ZNF486: variants seen among roughly 807,000 people sequenced by gnomAD.
The protein encoded by ZNF486 is zinc finger protein 486, also known as KRAB box only protein 2.
Under a neutral mutation model 12.8 loss-of-function variants are expected in ZNF486, and 12 were observed. That is an observed-to-expected ratio of 0.94 (90% CI 0.60 to 1.52). ZNF486 has a LOEUF of 1.52. Ranked by LOEUF, ZNF486 falls within the 40% of genes most tolerant of loss-of-function variation. The probability of loss-of-function intolerance (pLI) is 0.00; values close to 1 mark genes in which losing one functional copy is unlikely to be tolerated. For synonymous variants in ZNF486, 231 were observed against 184.9 expected (o/e 1.25, Z -2.02); for missense variants, 738 against 545.0 (o/e 1.35, Z -3.53).
At position 20,197,607 on chromosome 19, in the gene ZNF486, T is replaced by C. The variant is rs1555718256; in HGVS notation, c.897T>C (p.Cys299=). 6.2e-7 allele frequency: 1 copy of C among 1,613,772 alleles called. No homozygotes were observed. The highest frequency in any genetic ancestry group is 1.1e-5 in the South Asian group (1 of 91,050). Residue 299 remains cysteine (C), a synonymous_variant, in exon 4 of 4, where the codon TGT becomes TGC. Transcript: ENST00000335117. ...AGCAACCCTACAAATGTAAAGAATG[T>C]GACAAAGCTTTTAACCATCCTGCAA... ...TGEQPYKCKE[C]DKAFNHPATL... is the part of the protein sequence containing the mutation.
chr19:20,167,753 A>G (rs936000924), intron 1 of ZNF486, among the ~76,000 whole-genome samples: 5 of 152,030 alleles, frequency 3.3e-5, no homozygotes, highest in African/African-American at 7.2e-5. Flanking sequence ...TTTGTTAAAA[A>G]TTTATGGGGC....
Position 20,185,936 on chromosome 19 carries a change from G to T in ZNF486, c.158-51G>T, listed in dbSNP as rs536459096. On this transcript the variant is annotated intron_variant, in intron 2 of 3. Transcript: ENST00000335117. Reference sequence around the variant, plus strand: ...TTTCTGCTGAGCACATTACTAGCTTGTAATTGAGAAATATAAGCAAGATTA... The same window carrying T: ...TTTCTGCTGAGCACATTACTAGCTTTTAATTGAGAAATATAAGCAAGATTA... The T allele has an allele frequency of 1.6e-5, 19 of 1,209,950 alleles. No individual in the cohort carries two copies. The African/African-American group carries it at 3.0e-4, about 19-fold the overall frequency. 75.0% of individuals were successfully genotyped at this position (1,209,950 alleles called of 1,614,324 possible). A position where few individuals can be genotyped will look rare whatever the true frequency, so the allele number is the denominator to read the frequency against.
At chr19:20,194,888 C>T (rs1238281242) in intron 3 of ZNF486, among the ~76,000 whole-genome samples, 2 of 151,954 alleles carry the variant, frequency 1.3e-5, no homozygotes, top group Non-Finnish European at 2.9e-5. Flanking sequence ...TAAGTTTGTT[C>T]ATTCAGCTTT....
At chr19:20,175,886 C>T (rs1395562121) in intron 1 of ZNF486, among the ~76,000 whole-genome samples, 2 of 152,156 alleles carry the variant, frequency 1.3e-5, no homozygotes, top group Non-Finnish European at 2.9e-5. Flanking sequence ...CAGAGGGGCT[C>T]CTCACTTCCC....
chr19:20,187,810 T>C (rs1218005081), intron 3 of ZNF486, among the ~76,000 whole-genome samples: 1 of 151,996 alleles, frequency 6.6e-6, no homozygotes, highest in African/African-American at 2.4e-5. Context: ...GCCTTCAAGT[T>C]TTTATAAACT....
intron 3 of ZNF486, among the ~76,000 whole-genome samples, chr19:20,194,091 TAG>T (rs1478758407): frequency 2.7e-5 from 4 of 150,480 alleles, no homozygotes; most frequent in East Asian, 3.9e-4. Context: ...CTTTTAAATT[TAG>T]AGAGTATTAA....
chr19:20,172,991 T>C (rs1003337385), intron 1 of ZNF486, among the ~76,000 whole-genome samples: 4 of 152,176 alleles, frequency 2.6e-5, no homozygotes, highest in African/African-American at 9.7e-5. Context: ...GCAAAGTTTG[T>C]AAATATTTTT....
intron 2 of ZNF486, among the ~76,000 whole-genome samples, chr19:20,184,934 A>C (rs1042108853): frequency 1.3e-5 from 2 of 152,098 alleles, no homozygotes; most frequent in Non-Finnish European, 2.9e-5. Flanking sequence ...CAACATGGAG[A>C]AACCCCGCCT....
chr19:20,197,288 A>G lies in ZNF486; in HGVS notation c.578A>G (p.Gln193Arg), dbSNP rs2089968527. Residue 193 changes from glutamine to arginine, a missense_variant, in exon 4 of 4, where the codon CAG (glutamine) becomes CGG (arginine). Coordinates refer to ENST00000335117, the MANE Select transcript of ZNF486 (RefSeq NM_052852.4). The stretch of plus-strand genomic sequence containing the variant: ...ATAGAAGGTGACAAAGCTTTTAACC[A>G]GTCCTCAACCCATACTACACATAAA... The part of the protein sequence containing the change: ...KYIEGDKAFN[Q>R]SSTHTTHKKI... 2 of 1,609,830 alleles carry G rather than the reference A, an allele frequency of 1.2e-6. No homozygotes were observed. Among genetic ancestry groups the G allele is most frequent in the Non-Finnish European group, 1.7e-6 (2 of 1,178,824 alleles).
chr19:20,169,822 T>C (rs2089627102), intron 1 of ZNF486, among the ~76,000 whole-genome samples: 1 of 151,284 alleles, frequency 6.6e-6, no homozygotes, highest in South Asian at 2.1e-4. Flanking sequence ...AGTCAGATTT[T>C]AGCTCAGAGA....
intron 1 of ZNF486, among the ~76,000 whole-genome samples, chr19:20,169,691 C>T (rs1363574746): frequency 6.6e-6 from 1 of 151,312 alleles, no homozygotes; most frequent in Non-Finnish European, 1.5e-5. Flanking sequence ...GAGAAAGTAC[C>T]AACTAATTAT....
rs1177369847 is a variant in ZNF486 at position 20,198,516 on chromosome 19, T to G, written c.*414T>G. 1 of 182,610 alleles carries G rather than the reference T, an allele frequency of 5.5e-6. No individual in the cohort carries two copies. The highest frequency in any genetic ancestry group is 2.4e-5 in the African/African-American group (1 of 41,798). The allele number at this position is 182,610 out of a possible 1,614,324, so 11.3% of individuals were successfully genotyped here. On this transcript the variant is annotated 3_prime_UTR_variant, in exon 4 of 4. Coordinates refer to ENST00000335117, the MANE Select transcript of ZNF486 (RefSeq NM_052852.4). ...CTGTAACAAGTTCTCAATTCTTTTA[T>G]TTTTATTTGTTTATTTATTTTTTGA...
In ZNF486 at chr19:20,197,503, C is replaced by A. The variant is rs782450212; in HGVS notation, c.793C>A (p.Pro265Thr). 6.2e-7 allele frequency: 1 copy of A among 1,609,404 alleles called. No individual in the cohort carries two copies. The highest frequency in any genetic ancestry group is 8.5e-7 in the Non-Finnish European group (1 of 1,177,404). Residue 265 changes from proline (P) to threonine (T), a missense_variant, in exon 4 of 4, where the codon CCC (proline) becomes ACC (threonine). By Grantham distance (38) the Pro-to-Thr change is conservative (BLOSUM62 -1). Transcript: ENST00000335117. ...TAAGAAAATTCATAGTGGAGAGAAA[C>A]CCTACATTTGTGAAGAATGTGGCAA... ...THKKIHSGEK[P>T]YICEECGKAF...
At chr19:20,186,818 C>A (rs2089852982) in intron 3 of ZNF486, among the ~76,000 whole-genome samples, 1 of 121,456 alleles carries the variant, frequency 8.2e-6, no homozygotes, top group South Asian at 2.7e-4. Flanking sequence ...GAGTCTTGCT[C>A]TGTTGCCCAG....
rs2089800452 is a variant in ZNF486 at position 20,182,770 on chromosome 19, T to A, written c.31-1586T>A. On this transcript the variant is annotated intron_variant, in intron 1 of 3. Coordinates refer to ENST00000335117, the MANE Select transcript of ZNF486 (RefSeq NM_052852.4). Reference sequence around the variant, plus strand: ...AGGACAGAAATAGGTGGGCTTTTTCTGTCATTTTGCCAGTTGATGTCATGC... The same window carrying A: ...AGGACAGAAATAGGTGGGCTTTTTCAGTCATTTTGCCAGTTGATGTCATGC... 2.6e-5 allele frequency among the ~76,000 whole-genome samples: 4 copies of A among 152,178 alleles called. No homozygotes were observed. In the South Asian group the frequency reaches 8.3e-4, roughly 32 times the overall value.
intron 1 of ZNF486, among the ~76,000 whole-genome samples, chr19:20,183,114 C>T (rs957108682): frequency 7.2e-5 from 11 of 152,174 alleles, no homozygotes; most frequent in African/African-American, 2.7e-4. Flanking sequence ...AGAGCTTTCT[C>T]TGCATTCTCT....
Position 20,197,322 on chromosome 19 carries a change from T to A in ZNF486, c.612T>A (p.Asp204Glu). 6.2e-7 allele frequency: 1 copy of A among 1,612,940 alleles called. No individual in the cohort carries two copies. Among genetic ancestry groups the A allele is most frequent in the Non-Finnish European group, 8.5e-7 (1 of 1,179,548 alleles). The stretch of plus-strand genomic sequence containing the variant: ...CCCATACTACACATAAAAAAATTGA[T>A]ACTGGAGAGAAACCATACAAATGTG... The part of the protein sequence containing the change: ...SSTHTTHKKI[D>E]TGEKPYKCEE... Residue 204 changes from aspartate (D) to glutamate (E), a missense_variant, in exon 4 of 4, where the codon GAT (aspartate) becomes GAA (glutamate). Asp to Glu is a conservative substitution (Grantham distance 45, BLOSUM62 2). Transcript: ENST00000335117.
Position 20,194,039 on chromosome 19 carries a change from ATATT to A in ZNF486, c.254-2920_254-2917del, listed in dbSNP as rs542286644. ...TTGCTAATTATATTTTTTATGTTGTATATTTATTAACAGATGTTAACAATAATTT... is the reference window on the plus strand; with the variant it reads ...TTGCTAATTATATTTTTTATGTTGTATATTAACAGATGTTAACAATAATTT... On this transcript the variant is annotated intron_variant, in intron 3 of 3. Coordinates refer to ENST00000335117, the MANE Select transcript of ZNF486 (RefSeq NM_052852.4). Among the ~76,000 whole-genome samples the A allele has an allele frequency of 3.9e-5, 6 of 151,936 alleles. 1 individual carries two copies. In the South Asian group the frequency reaches 1.0e-3, roughly 26 times the overall value.
rs1555718552 is a variant in ZNF486, at chr19:20,199,220, A to G, written c.*1118A>G. On this transcript the variant is annotated 3_prime_UTR_variant, in exon 4 of 4. Transcript: ENST00000335117. ...TACTGTGACAAAAATCTTTCAGAAA[A>G]TATAAGCCTTTAAGGTGAAGAAGAG... The G allele has an allele frequency of 6.6e-6, 1 of 152,198 alleles. No homozygotes were observed. The highest frequency in any genetic ancestry group is 2.4e-5 in the African/African-American group (1 of 41,460). The allele number at this position is 152,198 out of a possible 1,614,324, so 9.4% of individuals were successfully genotyped here.
Sources: allele counts gnomAD v4.1 joint callset (sites outside exome capture counted in the v4.1 genomes callset), GRCh38; gene constraint gnomAD v4.1.1; transcripts MANE v1.5; gene names NCBI Gene and HGNC (gene_info 2026-07-23, HGNC 2026-07-21).